The following GSK3B variants were observed in gnomAD, a reference collection of about 807,000 sequenced individuals.
GSK3B encodes the protein glycogen synthase kinase-3 beta.
In GSK3B, 15 loss-of-function variants were observed where a neutral mutation model predicts 56.4. That is an observed-to-expected ratio of 0.27 (90% CI 0.18 to 0.41). The LOEUF is 0.41. GSK3B is among the 10% of genes least tolerant of loss of function. The pLI, the probability that GSK3B is intolerant of heterozygous loss-of-function variation, is 1.00. For synonymous variants in GSK3B, 181 were observed against 188.9 expected (o/e 0.96, Z 0.34); for missense variants, 300 against 513.4 (o/e 0.58, Z 4.02).
At chr3:119,970,210 A>C (rs1353938877) in intron 2 of GSK3B, among the ~76,000 whole-genome samples, 1 of 152,194 alleles carries the variant, frequency 6.6e-6, no homozygotes, top group Non-Finnish European at 1.5e-5. Context: ...TCTGGAATTC[A>C]CTGGGAGTCT....
chr3:119,978,681 CCT>C (rs375903645), intron 2 of GSK3B, among the ~76,000 whole-genome samples: 7 of 150,706 alleles, frequency 4.6e-5, no homozygotes, highest in Non-Finnish European at 1.0e-4. Context: ...TTTTTTTCTT[CCT>C]CTCTCTCTCT....
At chr3:119,867,604 A>T (rs2108039316) in intron 8 of GSK3B, among the ~76,000 whole-genome samples, 1 of 152,288 alleles carries the variant, frequency 6.6e-6, no homozygotes, top group East Asian at 1.9e-4. Flanking sequence ...GTTACAGGTG[A>T]CAGGCATAGT....
At chr3:119,898,494 G>GGTAGACACAA (rs2056592485) in intron 7 of GSK3B, among the ~76,000 whole-genome samples, 1 of 152,024 alleles carries the variant, frequency 6.6e-6, no homozygotes, top group Admixed American at 6.6e-5. Flanking sequence ...CTAATTTGCT[G>GGTAGACACAA]GTAGACACAA....
chr3:120,068,074 T>G (rs917905425), intron 1 of GSK3B, among the ~76,000 whole-genome samples: 1 of 152,174 alleles, frequency 6.6e-6, no homozygotes, highest in Non-Finnish European at 1.5e-5. Flanking sequence ...TCCAAAAACA[T>G]CATATGATGT....
chr3:120,026,236 C>T (rs952920495), intron 1 of GSK3B, among the ~76,000 whole-genome samples: 6 of 151,972 alleles, frequency 3.9e-5, no homozygotes, highest in Non-Finnish European at 8.8e-5. Context: ...AAAACTTTCC[C>T]CAAATATCAA....
intron 1 of GSK3B, among the ~76,000 whole-genome samples, chr3:120,019,746 C>G (rs1359221157): frequency 6.6e-6 from 1 of 152,226 alleles, no homozygotes. Context: ...TCCCGCAAGT[C>G]TCTACGCCTG....
intron 3 of GSK3B, among the ~76,000 whole-genome samples, chr3:119,944,008 G>GA (rs2057075071): frequency 6.6e-6 from 1 of 151,364 alleles, no homozygotes; most frequent in Non-Finnish European, 1.5e-5. Context: ...GAGACTGATA[G>GA]AAAAAAAAGA....
intron 2 of GSK3B, among the ~76,000 whole-genome samples, chr3:119,960,885 TATGTCTAGA>T (rs2057265388): frequency 6.6e-6 from 1 of 152,214 alleles, no homozygotes; most frequent in Non-Finnish European, 1.5e-5. Context: ...TTTATTGTTG[TATGTCTAGA>T]ATCTAGAACA....
chr3:119,870,940 T>C (rs2056243292), intron 8 of GSK3B, among the ~76,000 whole-genome samples: 1 of 152,080 alleles, frequency 6.6e-6, no homozygotes, highest in African/African-American at 2.4e-5. Context: ...CCAGAAAAGG[T>C]AGATAGAATG....
chr3:120,056,550 G>A lies in GSK3B; in HGVS notation c.88+36797C>T, dbSNP rs866937722. ...AGACGGGGTTTCACCATGTTGGCCA[G>A]GCTGGTCTCGAACTCCTGACCTCAA... On this transcript the variant is annotated intron_variant, in intron 1 of 10. Transcript: ENST00000264235. 3.9e-5 allele frequency among the ~76,000 whole-genome samples: 6 copies of A among 152,240 alleles called. No individual in the cohort carries two copies. The Middle Eastern group carries it at 0.01, about 259-fold the overall frequency.
intron 10 of GSK3B, among the ~76,000 whole-genome samples, chr3:119,841,233 TG>T (rs2055767008): frequency 6.6e-6 from 1 of 152,242 alleles, no homozygotes; most frequent in East Asian, 1.9e-4. Context: ...TTCAGTTTGC[TG>T]TAACCTGTAT....
At chr3:119,960,252 A>G (rs1293877142) in intron 2 of GSK3B, among the ~76,000 whole-genome samples, 1 of 151,766 alleles carries the variant, frequency 6.6e-6, no homozygotes, top group Non-Finnish European at 1.5e-5. Context: ...TGGAAATGGT[A>G]AACAGATTAG....
intron 1 of GSK3B, among the ~76,000 whole-genome samples, chr3:120,046,498 C>T (rs1005479381): frequency 1.3e-5 from 2 of 152,068 alleles, no homozygotes; most frequent in Non-Finnish European, 1.5e-5. Flanking sequence ...AGAACAGTCT[C>T]TTTTCTTAAA....
intron 7 of GSK3B, among the ~76,000 whole-genome samples, chr3:119,882,898 T>C (rs921682490): frequency 6.6e-6 from 1 of 152,192 alleles, no homozygotes; most frequent in African/African-American, 2.4e-5. Context: ...ACTAGCTATA[T>C]TCTTTACCTT....
chr3:119,866,524 A>G, intron 8 of GSK3B: 1 of 937,338 alleles, frequency 1.1e-6, no homozygotes, highest in Non-Finnish European at 1.8e-6. Flanking sequence ...AGCCTCTCAA[A>G]GAAGATTTCC....
chr3:119,921,225 C>A (rs1194393567), intron 4 of GSK3B, among the ~76,000 whole-genome samples: 1 of 152,196 alleles, frequency 6.6e-6, no homozygotes, highest in African/African-American at 2.4e-5. Context: ...GGATCAAATA[C>A]ATTTCCTGTC....
chr3:119,835,537 T>A (rs902314077), intron 10 of GSK3B, among the ~76,000 whole-genome samples: 2 of 152,192 alleles, frequency 1.3e-5, no homozygotes, highest in African/African-American at 4.8e-5. Context: ...AAAAAACATG[T>A]CTCTCTGCCC....
chr3:119,889,864 A>C (rs1034473419), intron 7 of GSK3B, among the ~76,000 whole-genome samples: 75 of 152,166 alleles, frequency 4.9e-4, no homozygotes, highest in African/African-American at 1.7e-3. Context: ...ACCATGCAAA[A>C]TCATAAGAAA....
intron 1 of GSK3B, among the ~76,000 whole-genome samples, chr3:120,034,775 C>G (rs1014493666): frequency 8.5e-5 from 13 of 152,074 alleles, no homozygotes; most frequent in African/African-American, 3.1e-4. Flanking sequence ...TATTTAGAAA[C>G]AGGGTCTTCA....
Sources: allele counts gnomAD v4.1 joint callset (sites outside exome capture counted in the v4.1 genomes callset), GRCh38; gene constraint gnomAD v4.1.1; transcripts MANE v1.5; gene names NCBI Gene and HGNC (gene_info 2026-07-23, HGNC 2026-07-21).